The following GRIK2 variants were observed in gnomAD, a reference collection of about 807,000 sequenced individuals.
The protein encoded by GRIK2 is glutamate receptor ionotropic, kainate 2.
Under a neutral mutation model 100.3 loss-of-function variants are expected in GRIK2, and 32 were observed. The ratio of observed to expected loss-of-function variants is 0.32; its 90% CI spans 0.24 to 0.43. GRIK2 has a LOEUF of 0.43. Among genes scored for constraint, GRIK2 ranks in the 20% least tolerant of loss-of-function variants. The pLI is 1.00. For missense variants in GRIK2, 843 were observed against 1,114.9 expected (o/e 0.76, Z 3.47); for synonymous variants, 417 against 389.4 (o/e 1.07, Z -0.83).
chr6:101,871,246 C>T (rs935131205), intron 11 of GRIK2, among the ~76,000 whole-genome samples: 24 of 92,976 alleles, frequency 2.6e-4, no homozygotes, highest in African/African-American at 1.0e-3. Context: ...GAATGTATTA[C>T]ATGTATTTAC....
chr6:101,814,567 T>C (rs866350368), intron 9 of GRIK2, among the ~76,000 whole-genome samples: 4 of 152,138 alleles, frequency 2.6e-5, no homozygotes, highest in Non-Finnish European at 4.4e-5. Flanking sequence ...AGTTGTCTTA[T>C]GGAAACTACC....
At chr6:101,811,765 CAT>C (rs1781342507) in intron 9 of GRIK2, among the ~76,000 whole-genome samples, 1 of 151,480 alleles carries the variant, frequency 6.6e-6, no homozygotes, top group Admixed American at 6.6e-5. Flanking sequence ...GAAATAGAAA[CAT>C]TTTTTGGATT....
chr6:101,584,424 A>AT (rs998423044), intron 2 of GRIK2, among the ~76,000 whole-genome samples: 5 of 151,936 alleles, frequency 3.3e-5, no homozygotes, highest in South Asian at 2.1e-4. Flanking sequence ...CACAGAACTT[A>AT]TTTTTTTTCT....
At chr6:101,932,213 ATC>A (rs1198351575) in intron 14 of GRIK2, among the ~76,000 whole-genome samples, 2 of 151,986 alleles carry the variant, frequency 1.3e-5, no homozygotes, top group African/African-American at 4.8e-5. Flanking sequence ...CCTACCTGAA[ATC>A]TCTGACTTTA....
At chr6:101,829,854 C>A (rs1340242314) in intron 10 of GRIK2, among the ~76,000 whole-genome samples, 2 of 151,916 alleles carry the variant, frequency 1.3e-5, no homozygotes, top group Non-Finnish European at 2.9e-5. Context: ...CTGCCCAAAG[C>A]AATCTATAGA....
At chr6:101,686,740 G>A (rs1771728607) in intron 7 of GRIK2, among the ~76,000 whole-genome samples, 1 of 152,030 alleles carries the variant, frequency 6.6e-6, no homozygotes, top group Non-Finnish European at 1.5e-5. Flanking sequence ...GGTATCTGGT[G>A]TTATATAAAT....
At chr6:102,002,621 T>G (rs909494750) in intron 14 of GRIK2, among the ~76,000 whole-genome samples, 1 of 150,812 alleles carries the variant, frequency 6.6e-6, no homozygotes, top group South Asian at 2.1e-4. Flanking sequence ...TTAAGTTTAC[T>G]TATGCTATAA....
intron 4 of GRIK2, among the ~76,000 whole-genome samples, chr6:101,661,307 TAGC>T (rs1769593403): frequency 3.3e-5 from 5 of 152,068 alleles, no homozygotes; most frequent in Admixed American, 3.3e-4. Flanking sequence ...GCCTCAGTAA[TAGC>T]AGACGCTCCT....
chr6:101,491,608 G>A (rs778481480), intron 2 of GRIK2, among the ~76,000 whole-genome samples: 2 of 151,742 alleles, frequency 1.3e-5, no homozygotes, highest in South Asian at 4.1e-4. Flanking sequence ...TTTGTCTCCC[G>A]TCTCTGTCTC....
At chr6:101,956,955 T>G (rs1017345511) in intron 14 of GRIK2, among the ~76,000 whole-genome samples, 7 of 151,486 alleles carry the variant, frequency 4.6e-5, no homozygotes, top group African/African-American at 1.5e-4. Context: ...GTGACAAACA[T>G]GTAAGTTCAG....
At chr6:102,046,384 G>T (rs1334321657) in intron 15 of GRIK2, among the ~76,000 whole-genome samples, 2 of 151,928 alleles carry the variant, frequency 1.3e-5, no homozygotes, top group African/African-American at 2.4e-5. Context: ...TTTAAGGAGG[G>T]ACATGGTGGG....
At chr6:101,401,234 A>C (rs1775288037) in intron 2 of GRIK2, among the ~76,000 whole-genome samples, 1 of 152,192 alleles carries the variant, frequency 6.6e-6, no homozygotes, top group South Asian at 2.1e-4. Flanking sequence ...CTAAGGATTT[A>C]ATTATTGCCG....
chr6:101,643,132 A>G (rs947942178), intron 4 of GRIK2, among the ~76,000 whole-genome samples: 2 of 151,646 alleles, frequency 1.3e-5, no homozygotes, highest in African/African-American at 4.8e-5. Context: ...TTAACTGACT[A>G]TCAGATATAT....
In GRIK2 at chr6:101,889,768, C is replaced by T. The variant is rs746635578; in HGVS notation, c.1653C>T (p.Gly551=). The part of the protein sequence containing the change: ...LYRKPNGTNP[G]VFSFLNPLSP... ...GCAAGCCCAATGGTACAAACCCAGG[C>T]GTCTTCTCCTTCCTGAATCCTCTCT... Residue 551 remains glycine, a synonymous_variant, in exon 12 of 17, where the codon GGC becomes GGT. Transcript: ENST00000369134. 2.4e-5 allele frequency: 38 copies of T among 1,612,714 alleles called. No homozygotes were observed. Among genetic ancestry groups the T allele is most frequent in the Middle Eastern group, 3.3e-4 (2 of 6,082 alleles).
chr6:101,889,155 C>CT (rs1421431663), intron 11 of GRIK2, among the ~76,000 whole-genome samples: 11 of 151,992 alleles, frequency 7.2e-5, no homozygotes, highest in Admixed American at 7.2e-4. Flanking sequence ...AGACTAAAAT[C>CT]TTTTAACTGT....
At chr6:101,643,386 A>AT (rs961735838) in intron 4 of GRIK2, among the ~76,000 whole-genome samples, 2 of 150,710 alleles carry the variant, frequency 1.3e-5, no homozygotes, top group Non-Finnish European at 3.0e-5. Context: ...TTTTGAATTA[A>AT]TTTTTTTTCT....
At chr6:101,930,437 G>C (rs1790196762) in intron 14 of GRIK2, among the ~76,000 whole-genome samples, 1 of 152,098 alleles carries the variant, frequency 6.6e-6, no homozygotes, top group South Asian at 2.1e-4. Context: ...GTGAATGCGT[G>C]ATGCATTTAA....
intron 4 of GRIK2, among the ~76,000 whole-genome samples, chr6:101,629,600 T>G (rs1780620349): frequency 6.6e-6 from 1 of 152,124 alleles, no homozygotes; most frequent in Admixed American, 6.6e-5. Flanking sequence ...AGAACTTTGA[T>G]TATTTAATAT....
chr6:101,554,697 G>A (rs1776658319), intron 2 of GRIK2, among the ~76,000 whole-genome samples: 1 of 152,072 alleles, frequency 6.6e-6, no homozygotes, highest in Non-Finnish European at 1.5e-5. Flanking sequence ...TAGGCTTTTA[G>A]GGGTAAGGTT....
Sources: gnomAD v4.1 joint callset for allele counts (sites outside exome capture counted in the v4.1 genomes callset) on GRCh38, gnomAD v4.1.1 for gene constraint, MANE v1.5 for transcripts, NCBI Gene and HGNC (gene_info 2026-07-23, HGNC 2026-07-21) for gene names.